The following MON2 variants were observed in gnomAD, a reference collection of about 807,000 sequenced individuals.
The protein encoded by MON2 is protein MON2 homolog.
In MON2, 84 loss-of-function variants were observed where a neutral mutation model predicts 208.6. The ratio of observed to expected loss-of-function variants is 0.40; its 90% CI spans 0.34 to 0.48. The LOEUF is 0.48. Ranked by LOEUF, MON2 falls within the 20% of genes least tolerant of loss-of-function variation. MON2 has a pLI of 0.59. For synonymous variants in MON2, 660 were observed against 694.0 expected (o/e 0.95, Z 0.77); for missense variants, 1,611 against 2,015.4 (o/e 0.80, Z 3.84).
intron 1 of MON2, among the ~76,000 whole-genome samples, chr12:62,479,140 G>A (rs990331893): frequency 6.6e-6 from 1 of 152,166 alleles, no homozygotes; most frequent in Non-Finnish European, 1.5e-5. Flanking sequence ...ATAGGAGACA[G>A]ATCAGGAACA....
chr12:62,565,483 T>G lies in MON2; in HGVS notation c.4176+103T>G. 6 of 1,010,786 alleles carry G rather than the reference T, an allele frequency of 5.9e-6. No individual in the cohort carries two copies. The South Asian group carries it at 8.6e-5, about 14-fold the overall frequency. The allele number at this position is 1,010,786 out of a possible 1,614,324, so 62.6% of individuals were successfully genotyped here. A position where few individuals can be genotyped will look rare whatever the true frequency, so the allele number is the denominator to read the frequency against. On this transcript the variant is annotated intron_variant, in intron 27 of 34. Coordinates refer to ENST00000393630, the MANE Select transcript of MON2 (RefSeq NM_015026.3). ...TTGATTATCTCGGAAAAGGATACTT[T>G]TCACTCACAAATATATTTATACATG...
At position 62,578,449 on chromosome 12, in the gene MON2, C is replaced by A; in HGVS notation, c.4519C>A (p.Pro1507Thr). ...TCAAGTGTTTTTTTTTTTTAGCATA[C>A]CTCCAGATAATCTCTCTATTCAAGA... Reference protein sequence around the residue: ...FEDFLFTKSIPPDNLSIQEFQ... With the variant: ...FEDFLFTKSITPDNLSIQEFQ... Residue 1507 changes from proline to threonine, a missense_variant, in exon 31 of 35, where the codon CCT becomes ACT. By Grantham distance (38) the Pro-to-Thr change is conservative. Coordinates refer to ENST00000393630, the MANE Select transcript of MON2 (RefSeq NM_015026.3). 2.9e-6 allele frequency: 4 copies of A among 1,390,076 alleles called. No individual in the cohort carries two copies. Among genetic ancestry groups the A allele is most frequent in the South Asian group, 1.3e-5 (1 of 75,914 alleles). The allele number at this position is 1,390,076 out of a possible 1,614,324, so 86.1% of individuals were successfully genotyped here.
Position 62,494,018 on chromosome 12 carries a change from CAT to C in MON2, c.280_281del (p.Met94ValfsTer3). The C allele has an allele frequency of 6.2e-7, 1 of 1,612,898 alleles. No individual in the cohort carries two copies. The highest frequency in any genetic ancestry group is 8.5e-7 in the Non-Finnish European group (1 of 1,179,220). Reference sequence around the variant, plus strand: ...TATGTTTGGCTGCTATTCAGAGACTCATGTCACATGAAGTCGTGTCTGAGGTA... The same window carrying C: ...TATGTTTGGCTGCTATTCAGAGACTCGTCACATGAAGTCGTGTCTGAGGTA... ...QLCLAAIQRL[M>X]SHEVVSETAA... is the part of the protein sequence containing the mutation. On this transcript the variant is annotated frameshift_variant, in exon 3 of 35. Transcript: ENST00000393630. LOFTEE classifies it high-confidence loss of function.
chr12:62,574,870 T>TC (rs1399199568), intron 30 of MON2, among the ~76,000 whole-genome samples: 1 of 152,144 alleles, frequency 6.6e-6, no homozygotes, highest in Non-Finnish European at 1.5e-5. Flanking sequence ...GAGTACGTAA[T>TC]CCCAGCATTT....
chr12:62,583,801 AAT>A (rs1400594368), intron 32 of MON2, among the ~76,000 whole-genome samples: 1 of 150,900 alleles, frequency 6.6e-6, no homozygotes, highest in Non-Finnish European at 1.5e-5. Flanking sequence ...AAAAAAAAAA[AAT>A]ACAAAAATTA....
chr12:62,518,421 G>A (rs1427803980), intron 8 of MON2, among the ~76,000 whole-genome samples: 1 of 152,192 alleles, frequency 6.6e-6, no homozygotes, highest in Non-Finnish European at 1.5e-5. Flanking sequence ...TGCCTGAGAT[G>A]ATGCAGTTTA....
At chr12:62,484,350 T>C (rs1028258526) in intron 2 of MON2, 117 bp downstream of exon 2, 1 of 643,058 alleles carries the variant, frequency 1.6e-6, no homozygotes, top group Non-Finnish European at 2.7e-6. Flanking sequence ...TGCCCTAACA[T>C]ATGCTATTCA....
Position 62,571,454 on chromosome 12 carries a change from A to C in MON2, c.4386A>C (p.Ala1462=). 1 of 1,613,388 alleles carries C rather than the reference A, an allele frequency of 6.2e-7. No individual in the cohort carries two copies. Among genetic ancestry groups the C allele is most frequent in the Non-Finnish European group, 8.5e-7 (1 of 1,179,368 alleles). The change falls in exon 30 of 35, where the codon GCA becomes GCC. Residue 1462 remains alanine, a synonymous_variant. Coordinates refer to ENST00000393630, the MANE Select transcript of MON2 (RefSeq NM_015026.3). The stretch of plus-strand genomic sequence containing the variant: ...CTTCTGAAAGCACATGGAAACTAGC[A>C]GTATCCTCTCTCCTCAGAGTTCTTT... ...SCPSESTWKL[A]VSSLLRVLSI...
Position 62,535,798 on chromosome 12 carries a change from C to T in MON2, c.1900+89C>T, listed in dbSNP as rs910010276. The T allele has an allele frequency of 1.5e-4, 153 of 994,614 alleles. 2 individuals carry two copies. The East Asian group carries it at 4.4e-3, about 29-fold the overall frequency. 61.6% of individuals were successfully genotyped at this position (994,614 alleles called of 1,614,324 possible). A position where few individuals can be genotyped will look rare whatever the true frequency, so the allele number is the denominator to read the frequency against. On this transcript the variant is annotated intron_variant, in intron 14 of 34. Coordinates refer to ENST00000393630, the MANE Select transcript of MON2 (RefSeq NM_015026.3). ...ATAAACATCTGAGTTTAAGTCTCTG[C>T]TTTTTCACATACTGACTGTGTGACC...
chr12:62,480,917 G>C (rs369392620), intron 1 of MON2, among the ~76,000 whole-genome samples: 1 of 152,174 alleles, frequency 6.6e-6, no homozygotes, highest in Non-Finnish European at 1.5e-5. Flanking sequence ...AGTTAAACTC[G>C]AAAATGATGA....
intron 7 of MON2, among the ~76,000 whole-genome samples, chr12:62,502,824 C>A (rs567305025): frequency 1.3e-5 from 2 of 152,238 alleles, no homozygotes; most frequent in Admixed American, 6.5e-5. Context: ...TGCTTCCTCC[C>A]TAAGTAATCC....
chr12:62,553,516 G>C (rs1050979289), intron 24 of MON2, among the ~76,000 whole-genome samples: 3 of 152,102 alleles, frequency 2.0e-5, no homozygotes, highest in African/African-American at 7.2e-5. Flanking sequence ...CCATAGAGTA[G>C]AAAGCTTTTG....
At chr12:62,481,424 G>A (rs1459806255) in intron 1 of MON2, among the ~76,000 whole-genome samples, 1 of 151,578 alleles carries the variant, frequency 6.6e-6, no homozygotes, top group African/African-American at 2.4e-5. Flanking sequence ...TGCTCAGGAG[G>A]CTGAGGCAGG....
intron 8 of MON2, among the ~76,000 whole-genome samples, chr12:62,516,891 A>T (rs906409308): frequency 1.6e-4 from 25 of 152,206 alleles, no homozygotes; most frequent in East Asian, 3.8e-4. Flanking sequence ...ATTAAAAAAA[A>T]ATATTTTTAA....
At chr12:62,526,273 T>G (rs1478716031) in intron 11 of MON2, among the ~76,000 whole-genome samples, 171 bp downstream of exon 11, 1 of 152,192 alleles carries the variant, frequency 6.6e-6, no homozygotes, top group Non-Finnish European at 1.5e-5. Flanking sequence ...GGATTTTATT[T>G]GTTTTCTTTT....
intron 30 of MON2, among the ~76,000 whole-genome samples, chr12:62,576,848 A>T (rs182644231): frequency 6.6e-6 from 1 of 151,912 alleles, no homozygotes; most frequent in Non-Finnish European, 1.5e-5. Flanking sequence ...AGTGTTTCTG[A>T]TATATGATCC....
At chr12:62,578,666 G>C (rs547320747) in intron 31 of MON2, among the ~76,000 whole-genome samples, 161 bp downstream of exon 31, 1 of 152,258 alleles carries the variant, frequency 6.6e-6, no homozygotes, top group African/African-American at 2.4e-5. Flanking sequence ...TAAAGGACTG[G>C]CATTTTAAAA....
rs767014196 is a variant in MON2, at chr12:62,526,044, A to G, written c.1342A>G (p.Arg448Gly). ...GVTLLPAFEY[R>G]GTWIPILTIT... is the part of the protein sequence containing the mutation. The stretch of plus-strand genomic sequence containing the variant: ...TACTTTGCTACCAGCATTTGAATAT[A>G]GGGGAACCTGGATACCTATTCTGAC... The change falls in exon 11 of 35, where the codon AGG (arginine) becomes GGG (glycine). Residue 448 changes from arginine (R) to glycine (G), a missense_variant. Arg to Gly is a moderately radical substitution (Grantham distance 125, BLOSUM62 -2). Coordinates refer to ENST00000393630, the MANE Select transcript of MON2 (RefSeq NM_015026.3). 1 of 1,613,962 alleles carries G rather than the reference A, an allele frequency of 6.2e-7. No homozygotes were observed.
chr12:62,470,225 A>G (rs571739500), intron 1 of MON2, among the ~76,000 whole-genome samples: 1 of 152,150 alleles, frequency 6.6e-6, no homozygotes, highest in Non-Finnish European at 1.5e-5. Context: ...TTTAAAATTA[A>G]TAATAAGCTG....
Sources: gnomAD v4.1 joint callset for allele counts (sites outside exome capture counted in the v4.1 genomes callset) on GRCh38, gnomAD v4.1.1 for gene constraint, MANE v1.5 for transcripts, NCBI Gene and HGNC (gene_info 2026-07-23, HGNC 2026-07-21) for gene names.